The following FAM184A variants were observed in gnomAD, a reference collection of about 807,000 sequenced individuals.
The protein encoded by FAM184A is protein FAM184A.
FAM184A carries 99 observed loss-of-function variants against 143.8 expected under a neutral mutation model. The ratio of observed to expected loss-of-function variants is 0.69; its 90% CI spans 0.58 to 0.81. The LOEUF (loss-of-function observed/expected upper bound fraction) is 0.81, where lower values mean the gene tolerates loss of function less well. Among genes scored for constraint, FAM184A ranks in the 40% least tolerant of loss-of-function variants. The pLI, the probability that FAM184A is intolerant of heterozygous loss-of-function variation, is 0.00. For missense variants in FAM184A, 1,217 were observed against 1,310.5 expected, an observed-to-expected ratio of 0.93 and a Z score of 1.10; for synonymous variants, 427 against 446.4, an observed-to-expected ratio of 0.96 and a Z score of 0.55.
intron 1 of FAM184A, among the ~76,000 whole-genome samples, chr6:119,113,135 G>A (rs146946334): frequency 3.3e-5 from 5 of 152,266 alleles, no homozygotes; most frequent in Non-Finnish European, 7.4e-5. Flanking sequence ...CATTTCTGTG[G>A]CATGGCCATT....
In FAM184A at chr6:119,078,287, C is replaced by G; in HGVS notation, c.13G>C (p.Gly5Arg). The G allele has an allele frequency of 6.7e-7, 1 of 1,498,066 alleles. No homozygotes were observed. Among genetic ancestry groups the G allele is most frequent in the Non-Finnish European group, 8.9e-7 (1 of 1,127,584 alleles). 92.8% of individuals were successfully genotyped at this position (1,498,066 alleles called of 1,614,324 possible). A position where few individuals can be genotyped will look rare whatever the true frequency, so the allele number is the denominator to read the frequency against. The change falls in exon 1 of 18, where the codon GGC (glycine) becomes CGC (arginine). Residue 5 changes from glycine to arginine, a missense_variant. Coordinates refer to ENST00000338891, the MANE Select transcript of FAM184A (RefSeq NM_024581.6). This position sits in a 1 kb window ranked among gnomAD's most constrained non-coding sequence, Gnocchi z 5.5. MATP[G>R]MSWQQHYYGG... is the part of the protein sequence containing the mutation. ...TAATAGTGCTGCTGCCAGCTCATGC[C>G]CGGGGTCGCCATCTTCCCAACAGAC... is the stretch of plus-strand genomic sequence containing the variant.
intron 1 of FAM184A, among the ~76,000 whole-genome samples, chr6:119,113,388 C>T (rs2114850957): frequency 6.6e-6 from 1 of 152,166 alleles, no homozygotes; most frequent in East Asian, 1.9e-4. Context: ...TCTTAAGTCC[C>T]CATTATGACT....
In FAM184A at chr6:119,065,509, T is replaced by C. The variant is rs1390734626; in HGVS notation, c.159+12632A>G. ...TTGGGGATAATTTTTTACCCAGCAA[T>C]AGGTAACTAACACGTGTCCTTCCTT... On this transcript the variant is annotated intron_variant, in intron 1 of 17. Coordinates refer to ENST00000338891, the MANE Select transcript of FAM184A (RefSeq NM_024581.6). Among the ~76,000 whole-genome samples, 2 of 152,196 alleles carry C rather than the reference T, an allele frequency of 1.3e-5. 1 individual carries two copies. Among genetic ancestry groups the C allele is most frequent in the Middle Eastern group, 6.3e-3 (2 of 316 alleles).
chr6:119,064,511 GC>G (rs1475591257), intron 1 of FAM184A, among the ~76,000 whole-genome samples: 2 of 152,134 alleles, frequency 1.3e-5, no homozygotes, highest in African/African-American at 4.8e-5. Flanking sequence ...GATCAGCCTG[GC>G]AAACATAGTA....
At chr6:119,015,056 T>A (rs1260041444) in intron 5 of FAM184A, among the ~76,000 whole-genome samples, 1 of 148,516 alleles carries the variant, frequency 6.7e-6, no homozygotes, top group Non-Finnish European at 1.5e-5. Context: ...AGAGCGAGAC[T>A]CTGTCTCAAA....
At chr6:119,068,975 T>A (rs1787579263) in intron 1 of FAM184A, 1 of 306,560 alleles carries the variant, frequency 3.3e-6, no homozygotes, top group African/African-American at 2.3e-5. Context: ...TACTGATAAA[T>A]ATGTTGTAAT....
At chr6:118,986,150 G>A (rs1272477684) in intron 9 of FAM184A, among the ~76,000 whole-genome samples, 1 of 152,076 alleles carries the variant, frequency 6.6e-6, no homozygotes, top group Admixed American at 6.6e-5. Context: ...AAAATTAGCC[G>A]GGTGTGGCAG....
chr6:119,101,910 G>T (rs1025509182), intron 1 of FAM184A, among the ~76,000 whole-genome samples: 5 of 152,030 alleles, frequency 3.3e-5, no homozygotes, highest in Admixed American at 6.5e-5. Flanking sequence ...ACAAAAATTA[G>T]CTGGGCTTGG....
intron 8 of FAM184A, 26 bp from the exon 9 acceptor site, chr6:119,003,075 T>C: frequency 6.4e-7 from 1 of 1,574,092 alleles, no homozygotes; most frequent in Non-Finnish European, 8.6e-7. Flanking sequence ...TGCATTTACT[T>C]TGTAAAGAGA....
chr6:119,018,214 C>CAG (rs1197607549), intron 4 of FAM184A, among the ~76,000 whole-genome samples: 3 of 151,930 alleles, frequency 2.0e-5, no homozygotes, highest in African/African-American at 2.4e-5. Context: ...GTGTGTGTTT[C>CAG]AGAGAGAGAG....
chr6:118,991,707 T>G (rs1209046583), intron 9 of FAM184A, among the ~76,000 whole-genome samples: 1 of 138,992 alleles, frequency 7.2e-6, no homozygotes. Context: ...AGAGTCGGAA[T>G]AACGGAATAA....
Position 118,966,822 on chromosome 6 carries a change from C to A in FAM184A, c.3033+13G>T. The A allele has an allele frequency of 4.2e-6, 6 of 1,437,370 alleles. No individual in the cohort carries two copies. Among genetic ancestry groups the A allele is most frequent in the Non-Finnish European group, 5.8e-6 (6 of 1,035,640 alleles). The allele number at this position is 1,437,370 out of a possible 1,614,324, so 89.0% of individuals were successfully genotyped here. ...ATTACTAACATGGTTAGACTAAAAC[C>A]AAAATATCTTACAATTAGTTTCTTT... On this transcript the variant is annotated intron_variant, in intron 15 of 17. Coordinates refer to ENST00000338891, the MANE Select transcript of FAM184A (RefSeq NM_024581.6).
intron 1 of FAM184A, among the ~76,000 whole-genome samples, chr6:119,071,765 T>C (rs917385226): frequency 6.6e-6 from 1 of 151,786 alleles, no homozygotes; most frequent in Non-Finnish European, 1.5e-5. Context: ...GAGTCCAGGT[T>C]GAGTAATCTT....
chr6:119,139,593 T>A (rs115792552), intron 1 of FAM184A, among the ~76,000 whole-genome samples: 40 of 151,876 alleles, frequency 2.6e-4, no homozygotes, highest in African/African-American at 8.2e-4. Flanking sequence ...GGAGACAAGA[T>A]TCTCAGCAAT....
intron 1 of FAM184A, among the ~76,000 whole-genome samples, chr6:119,099,373 A>G (rs1788586109): frequency 6.6e-6 from 1 of 152,142 alleles, no homozygotes; most frequent in Non-Finnish European, 1.5e-5. Flanking sequence ...TAAGTTGCTC[A>G]TTTACTTCTC....
In FAM184A at chr6:118,975,384, T is replaced by C. The variant is rs1035232612; in HGVS notation, c.2584-176A>G. Reference sequence around the variant, plus strand: ...AAGGCCTGTTCTCTTTCCACACATATAGTGTGTATATGGATATAGCTTCAA... The same window carrying C: ...AAGGCCTGTTCTCTTTCCACACATACAGTGTGTATATGGATATAGCTTCAA... On this transcript the variant is annotated intron_variant, in intron 12 of 17. Coordinates refer to ENST00000338891, the MANE Select transcript of FAM184A (RefSeq NM_024581.6). 1.3e-4 allele frequency among the ~76,000 whole-genome samples: 20 copies of C among 152,150 alleles called. 1 individual carries two copies. The highest frequency in any genetic ancestry group is 1.2e-3 in the Admixed American group (19 of 15,270).
At chr6:118,988,954 A>ATTTTTT (rs71556820) in intron 9 of FAM184A, among the ~76,000 whole-genome samples, 10 of 112,036 alleles carry the variant, frequency 8.9e-5, no homozygotes, top group East Asian at 2.5e-4. Context: ...TCTGGACATG[A>ATTTTTT]TTTTTTTTTT....
At chr6:119,045,328 A>G (rs997124962) in intron 1 of FAM184A, among the ~76,000 whole-genome samples, 17 of 145,334 alleles carry the variant, frequency 1.2e-4, no homozygotes, top group African/African-American at 4.4e-4. Flanking sequence ...TCATCTACGT[A>G]TATCAAGGAA....
At chr6:119,002,557 T>A (rs1582489108) in intron 9 of FAM184A, among the ~76,000 whole-genome samples, 1 of 152,140 alleles carries the variant, frequency 6.6e-6, no homozygotes, top group African/African-American at 2.4e-5. Context: ...AATTCTACCC[T>A]CTGTTGCCCA....
Sources: allele counts gnomAD v4.1 joint callset (sites outside exome capture counted in the v4.1 genomes callset), GRCh38; gene constraint gnomAD v4.1.1; non-coding constraint Gnocchi (gnomAD v3.1); transcripts MANE v1.5; gene names NCBI Gene and HGNC (gene_info 2026-07-23, HGNC 2026-07-21).